The following MACROD2 variants were observed in gnomAD, a reference collection of about 807,000 sequenced individuals.
MACROD2 encodes the protein ADP-ribose glycohydrolase MACROD2.
MACROD2 carries 36 observed loss-of-function variants against 70.4 expected under a neutral mutation model. The observed-to-expected ratio is 0.51, with a 90% CI of 0.39 to 0.68. The LOEUF (loss-of-function observed/expected upper bound fraction) is 0.68, where lower values mean the gene tolerates loss of function less well. Ranked by LOEUF, MACROD2 falls within the 30% of genes least tolerant of loss-of-function variation. The pLI is 0.00. For synonymous variants in MACROD2, 172 were observed against 178.8 expected, an observed-to-expected ratio of 0.96 and a Z score of 0.30; for missense variants, 496 against 538.4, an observed-to-expected ratio of 0.92 and a Z score of 0.78.
chr20:15,796,406 T>A (rs549004889), intron 8 of MACROD2, among the ~76,000 whole-genome samples: 249 of 152,376 alleles, frequency 1.6e-3, no homozygotes, highest in African/African-American at 5.7e-3. Context: ...AGTCTTTTCC[T>A]CTTGATGTAC....
intron 5 of MACROD2, among the ~76,000 whole-genome samples, chr20:15,199,404 A>T (rs1295770312): frequency 6.6e-6 from 1 of 152,144 alleles, no homozygotes; most frequent in African/African-American, 2.4e-5. Context: ...GTGTAAATGT[A>T]TGTATGTGTG....
chr20:16,017,885 A>G lies in MACROD2; in HGVS notation c.1154-23316A>G, dbSNP rs754694451. Among the ~76,000 whole-genome samples the G allele has an allele frequency of 2.4e-4, 36 of 152,200 alleles. 1 individual carries two copies. The highest frequency in any genetic ancestry group is 4.3e-4 in the Non-Finnish European group (29 of 68,034). On this transcript the variant is annotated intron_variant, in intron 15 of 17. Transcript: ENST00000684519. The stretch of plus-strand genomic sequence containing the variant: ...GCATGCCCCCATGACAGCACCAGCC[A>G]CATGGTGCTGAAATGATATATTTGT...
chr20:14,479,015 T>C (rs902942412), intron 3 of MACROD2, among the ~76,000 whole-genome samples: 3 of 152,098 alleles, frequency 2.0e-5, no homozygotes, highest in East Asian at 1.9e-4. Context: ...TAGCTACTTA[T>C]TGTGGTGGAG....
At chr20:15,485,822 A>G (rs956724034) in intron 7 of MACROD2, among the ~76,000 whole-genome samples, 1 of 152,194 alleles carries the variant, frequency 6.6e-6, no homozygotes, top group Admixed American at 6.6e-5. Context: ...TTTCAGGAGC[A>G]GTAACTTATG....
intron 5 of MACROD2, among the ~76,000 whole-genome samples, chr20:15,067,013 G>A (rs867862084): frequency 1.3e-5 from 2 of 151,668 alleles, no homozygotes; most frequent in Admixed American, 6.6e-5. Context: ...CACAAAGAAT[G>A]GAAAAAAAGT....
chr20:15,900,493 G>A (rs144983307), intron 10 of MACROD2, among the ~76,000 whole-genome samples: 61 of 152,110 alleles, frequency 4.0e-4, no homozygotes, highest in African/African-American at 1.5e-3. Context: ...ATTTGTACTG[G>A]TGCTCCCCAT....
intron 8 of MACROD2, among the ~76,000 whole-genome samples, chr20:15,658,070 T>C (rs755263669): frequency 2.0e-5 from 3 of 152,178 alleles, no homozygotes; most frequent in Non-Finnish European, 4.4e-5. Context: ...CTTTATTTTC[T>C]CCTTTGTCAA....
chr20:14,983,851 A>T (rs552659273), intron 5 of MACROD2, among the ~76,000 whole-genome samples: 1 of 152,336 alleles, frequency 6.6e-6, no homozygotes, highest in African/African-American at 2.4e-5. Flanking sequence ...GATACTGGTA[A>T]TATGAATGGT....
At chr20:14,629,955 C>CTATCTATCTATCTATT (rs1319973018) in intron 4 of MACROD2, among the ~76,000 whole-genome samples, 24 of 122,172 alleles carry the variant, frequency 2.0e-4, no homozygotes, top group South Asian at 5.4e-4. Flanking sequence ...GTGCTAAGGT[C>CTATCTATCTATCTATT]TATCTATCTA....
chr20:14,181,582 G>A (rs1120243), intron 3 of MACROD2, among the ~76,000 whole-genome samples: 151,064 of 152,028 alleles, frequency 0.99, 75,061 homozygotes, highest in South Asian at 1. Context: ...ATCTAATTCC[G>A]GATCTTTTTT....
intron 15 of MACROD2, among the ~76,000 whole-genome samples, chr20:16,021,578 G>A (rs907898839): frequency 1.3e-5 from 2 of 152,172 alleles, no homozygotes; most frequent in Non-Finnish European, 2.9e-5. Context: ...TGCCCAGATG[G>A]ATAGTGCATT....
At chr20:15,230,642 C>A (rs893737239) in intron 6 of MACROD2, among the ~76,000 whole-genome samples, 1 of 152,054 alleles carries the variant, frequency 6.6e-6, no homozygotes, top group Non-Finnish European at 1.5e-5. Context: ...TATACCACAG[C>A]TCTTCTAAGT....
At chr20:15,501,800 T>C (rs1328875066) in intron 8 of MACROD2, among the ~76,000 whole-genome samples, 4 of 152,236 alleles carry the variant, frequency 2.6e-5, no homozygotes, top group Non-Finnish European at 5.9e-5. Flanking sequence ...TTGGTAGGTC[T>C]TAGATAAAAG....
At chr20:15,910,028 T>C (rs1036720241) in intron 10 of MACROD2, among the ~76,000 whole-genome samples, 1 of 152,224 alleles carries the variant, frequency 6.6e-6, no homozygotes, top group Non-Finnish European at 1.5e-5. Flanking sequence ...GATTCCTGTC[T>C]ATGCAGATTG....
chr20:15,228,125 G>A (rs922860878), intron 5 of MACROD2, among the ~76,000 whole-genome samples: 1 of 152,032 alleles, frequency 6.6e-6, no homozygotes, highest in Non-Finnish European at 1.5e-5. Context: ...GACTTGCATT[G>A]CTTGAATTTA....
chr20:14,103,796 C>G (rs1453404036), intron 3 of MACROD2, among the ~76,000 whole-genome samples: 1 of 152,062 alleles, frequency 6.6e-6, no homozygotes, highest in Non-Finnish European at 1.5e-5. Context: ...CAATCATATA[C>G]ATGAATTTTA....
At chr20:14,727,755 C>T (rs1180408370) in intron 5 of MACROD2, among the ~76,000 whole-genome samples, 1 of 152,144 alleles carries the variant, frequency 6.6e-6, no homozygotes, top group East Asian at 1.9e-4. Context: ...TTTCATAACA[C>T]AGGAGAATCT....
chr20:15,482,227 T>C (rs1401992477), intron 7 of MACROD2, among the ~76,000 whole-genome samples: 1 of 151,768 alleles, frequency 6.6e-6, no homozygotes, highest in Non-Finnish European at 1.5e-5. Flanking sequence ...AAACTCACAG[T>C]TACTTTAAGT....
At chr20:14,652,720 A>C (rs930713864) in intron 4 of MACROD2, among the ~76,000 whole-genome samples, 2 of 152,190 alleles carry the variant, frequency 1.3e-5, no homozygotes, top group Non-Finnish European at 2.9e-5. Context: ...GATTATCTAA[A>C]TATATAATTA....
Sources: gnomAD v4.1 joint callset for allele counts (sites outside exome capture counted in the v4.1 genomes callset) on GRCh38, gnomAD v4.1.1 for gene constraint, MANE v1.5 for transcripts, NCBI Gene and HGNC (gene_info 2026-07-23, HGNC 2026-07-21) for gene names.